DNAH5: variants seen among roughly 807,000 people sequenced by gnomAD.
The protein encoded by DNAH5 is dynein axonemal heavy chain 5, also known as axonemal beta dynein heavy chain 5.
In DNAH5, 372 loss-of-function variants were observed where a neutral mutation model predicts 518.2. That is an observed-to-expected ratio of 0.72 (90% CI 0.66 to 0.78). The LOEUF (loss-of-function observed/expected upper bound fraction) is 0.78, where lower values mean the gene tolerates loss of function less well. Among genes scored for constraint, DNAH5 ranks in the 30% least tolerant of loss-of-function variants. The probability of loss-of-function intolerance (pLI) is 0.00; values close to 1 mark genes in which losing one functional copy is unlikely to be tolerated. For missense variants in DNAH5, 5,523 were observed against 5,687.0 expected (o/e 0.97, Z 0.93); for synonymous variants, 2,039 against 2,025.9 (o/e 1.01, Z -0.17).
intron 47 of DNAH5, among the ~76,000 whole-genome samples, chr5:13,797,652 C>T (rs1257652802): frequency 1.3e-5 from 2 of 152,128 alleles, no homozygotes; most frequent in Non-Finnish European, 2.9e-5. Flanking sequence ...GTGGTGATTC[C>T]TCAAGGACCT....
At chr5:13,747,051 A>T (rs1482523302) in intron 65 of DNAH5, among the ~76,000 whole-genome samples, 1 of 137,072 alleles carries the variant, frequency 7.3e-6, no homozygotes, top group Non-Finnish European at 1.6e-5. Flanking sequence ...CCCCCACCCC[A>T]CAACAGGCCC....
chr5:13,981,703 G>A (rs1782683417), intron 1 of DNAH5, among the ~76,000 whole-genome samples: 1 of 152,160 alleles, frequency 6.6e-6, no homozygotes, highest in African/African-American at 2.4e-5. Flanking sequence ...CTTCTAATCA[G>A]CTTTATCAGT....
intron 1 of DNAH5, among the ~76,000 whole-genome samples, chr5:14,000,046 C>T (rs979876666): frequency 4.6e-5 from 7 of 152,294 alleles, no homozygotes; most frequent in South Asian, 2.1e-4. Context: ...AACTGTGTCC[C>T]ATCACAATAT....
chr5:13,834,244 AAT>A (rs1192036637), intron 35 of DNAH5, among the ~76,000 whole-genome samples: 1 of 152,224 alleles, frequency 6.6e-6, no homozygotes, highest in African/African-American at 2.4e-5. Context: ...ATATAAAAAA[AAT>A]ACAAGACAAT....
Position 13,902,068 on chromosome 5 carries a change from A to C in DNAH5, c.1715T>G (p.Leu572Trp), listed in dbSNP as rs137878131. 1,022 of 1,604,074 alleles carry C rather than the reference A, an allele frequency of 6.4e-4. 2 individuals carry two copies. The Middle Eastern group carries it at 1.0e-2, about 16-fold the overall frequency. Residue 572 changes from leucine (L) to tryptophan (W), a missense_variant, in exon 13 of 79, where the codon TTG becomes TGG. This residue lies in a region of DNAH5 where 5,121 missense variants were observed against 5,223.3 expected (regional missense o/e 0.98). Transcript: ENST00000265104. ...IQNTNQALRM[L>W]KKFERLNIPN... is the part of the protein sequence containing the mutation. ...AAAATTTTACCTTTCAAATTTCTTC[A>C]ACATTCTTAGAGCTTGATTTGTGTT...
At chr5:13,765,309 A>G (rs1189287639) in intron 59 of DNAH5, among the ~76,000 whole-genome samples, 2 of 152,236 alleles carry the variant, frequency 1.3e-5, no homozygotes, top group African/African-American at 4.8e-5. Context: ...TAACAATGAA[A>G]AAAGAAAGAC....
At chr5:13,811,465 T>C (rs551634182) in intron 44 of DNAH5, among the ~76,000 whole-genome samples, 182 bp downstream of exon 44, 1 of 152,262 alleles carries the variant, frequency 6.6e-6, no homozygotes, top group Non-Finnish European at 1.5e-5. Flanking sequence ...AAAAAATAAG[T>C]ATATATGTGG....
intron 22 of DNAH5, among the ~76,000 whole-genome samples, chr5:13,872,145 T>TC (rs1270817891): frequency 3.3e-5 from 5 of 152,080 alleles, no homozygotes; most frequent in Admixed American, 1.3e-4. Flanking sequence ...TTCTCCTCTT[T>TC]CCCCCCTCCC....
chr5:13,692,207 G>A, intron 78 of DNAH5, 72 bp from the exon 79 acceptor site: 1 of 1,534,090 alleles, frequency 6.5e-7, no homozygotes, highest in Non-Finnish European at 9.0e-7. Context: ...GCAGAGCCAT[G>A]CTTCTGCATT....
intron 70 of DNAH5, 43 bp from the exon 71 acceptor site, chr5:13,721,288 C>T (rs907586240): frequency 1.3e-5 from 21 of 1,613,110 alleles, no homozygotes; most frequent in Non-Finnish European, 1.8e-5. Context: ...CATTCCAACT[C>T]TTTCATGTAG....
chr5:13,709,987 T>C (rs531868334), intron 75 of DNAH5, among the ~76,000 whole-genome samples: 6 of 152,210 alleles, frequency 3.9e-5, no homozygotes, highest in African/African-American at 1.4e-4. Flanking sequence ...AAGCACCACC[T>C]CCTGACAGGA....
chr5:14,000,116 G>C (rs1784247237), intron 1 of DNAH5, among the ~76,000 whole-genome samples: 1 of 151,880 alleles, frequency 6.6e-6, no homozygotes, highest in Non-Finnish European at 1.5e-5. Context: ...TGGAAATAGG[G>C]TCTTTGCAGA....
intron 23 of DNAH5, 91 bp downstream of exon 23, chr5:13,871,473 A>G: frequency 8.7e-7 from 1 of 1,153,376 alleles, no homozygotes; most frequent in Non-Finnish European, 1.3e-6. Context: ...AATCTTTAAG[A>G]CAGGTAGAAC....
At chr5:13,818,173 CCAAGAAATGTATT>C (rs886592186) in intron 41 of DNAH5, among the ~76,000 whole-genome samples, 3 of 152,204 alleles carry the variant, frequency 2.0e-5, no homozygotes, top group Non-Finnish European at 4.4e-5. Context: ...TCTTTTGTGA[CCAAGAAATGTATT>C]CAAGAAATGT....
chr5:13,985,382 A>C (rs1343587949), intron 1 of DNAH5, among the ~76,000 whole-genome samples: 2 of 150,318 alleles, frequency 1.3e-5, no homozygotes, highest in East Asian at 1.9e-4. Context: ...ACATATGTAA[A>C]AAACCTGCAC....
intron 19 of DNAH5, 126 bp downstream of exon 19, chr5:13,884,863 A>G: frequency 7.1e-7 from 1 of 1,399,198 alleles, no homozygotes; most frequent in South Asian, 1.4e-5. Context: ...AAAAAGATGA[A>G]TATTTTTAAT....
chr5:13,874,035 C>T (rs1490538356), intron 22 of DNAH5, among the ~76,000 whole-genome samples: 2 of 152,152 alleles, frequency 1.3e-5, no homozygotes, highest in African/African-American at 4.8e-5. Context: ...TCCCCACATA[C>T]AGCTAAAATG....
Position 13,790,510 on chromosome 5 carries a change from T to C in DNAH5, c.8448+1484A>G, listed in dbSNP as rs145088205. Among the ~76,000 whole-genome samples the C allele has an allele frequency of 7.5e-3, 1,140 of 152,284 alleles. 14 individuals are homozygous for C. The highest frequency in any genetic ancestry group is 0.026 in the African/African-American group (1,073 of 41,568). ...ATCTCATCTGGAATTGTAATCCTCA[T>C]AATCCCCACATGTCAAGGGAGAGAC... On this transcript the variant is annotated intron_variant, in intron 50 of 78. Transcript: ENST00000265104.
At position 13,780,939 on chromosome 5, in the gene DNAH5, A is replaced by G; in HGVS notation, c.8841T>C (p.Thr2947=). The part of the protein sequence containing the change: ...HLVKISRVIR[T]PQGNALLVGV... ...CGACCAGGAGGGCATTTCCCTGAGG[A>G]GTACGAATGACACGAGAGATCTGTA... is the stretch of plus-strand genomic sequence containing the variant. The change falls in exon 53 of 79, where the codon ACT becomes ACC. Residue 2947 remains threonine (T), a synonymous_variant. Coordinates refer to ENST00000265104, the MANE Select transcript of DNAH5 (RefSeq NM_001369.3). 1.2e-6 allele frequency: 2 copies of G among 1,613,792 alleles called. No individual in the cohort carries two copies. Among genetic ancestry groups the G allele is most frequent in the South Asian group, 1.1e-5 (1 of 91,076 alleles).
Sources: allele counts gnomAD v4.1 joint callset (sites outside exome capture counted in the v4.1 genomes callset), GRCh38; gene constraint gnomAD v4.1.1; regional missense constraint gnomAD v4.1.1; transcripts MANE v1.5; gene names NCBI Gene and HGNC (gene_info 2026-07-23, HGNC 2026-07-21).